Variants in RAD51B observed in about 807,000 individuals in gnomAD.
The protein encoded by RAD51B is RAD51 paralog B.
A neutral mutation model predicts 42.2 loss-of-function variants in RAD51B; 38 were observed. The observed-to-expected ratio is 0.90, with a 90% CI of 0.70 to 1.18. The LOEUF is 1.18. RAD51B is among the 50% of genes most tolerant of loss of function. RAD51B has a pLI of 0.00. For missense variants in RAD51B, 373 were observed against 400.7 expected (o/e 0.93, Z 0.59); for synonymous variants, 154 against 145.2 (o/e 1.06, Z -0.43).
chr14:67,948,867 G>C (rs2140200554), intron 7 of RAD51B, among the ~76,000 whole-genome samples: 1 of 138,772 alleles, frequency 7.2e-6, no homozygotes, highest in South Asian at 2.3e-4. Context: ...GGGAGGCGGA[G>C]CTTGCAGTGA....
chr14:68,347,560 T>C (rs1273671566), intron 8 of RAD51B, among the ~76,000 whole-genome samples: 1 of 152,198 alleles, frequency 6.6e-6, no homozygotes, highest in Non-Finnish European at 1.5e-5. Flanking sequence ...GGCGTGTGCC[T>C]CCCAAATTGG....
chr14:68,152,706 T>G (rs980524634), intron 7 of RAD51B, among the ~76,000 whole-genome samples: 36 of 142,652 alleles, frequency 2.5e-4, no homozygotes, highest in African/African-American at 9.6e-4. Flanking sequence ...ACCTAGGTAC[T>G]AAGCTTAGTA....
At chr14:68,167,716 G>A (rs1265763084) in intron 7 of RAD51B, among the ~76,000 whole-genome samples, 1 of 152,064 alleles carries the variant, frequency 6.6e-6, no homozygotes, top group East Asian at 1.9e-4. Flanking sequence ...GAATACTCCT[G>A]TAACCACTAT....
intron 7 of RAD51B, among the ~76,000 whole-genome samples, chr14:68,202,133 T>C (rs776513748): frequency 6.6e-6 from 1 of 152,222 alleles, no homozygotes; most frequent in Non-Finnish European, 1.5e-5. Flanking sequence ...CCAATGTATA[T>C]ACTTTAATTA....
intron 7 of RAD51B, among the ~76,000 whole-genome samples, chr14:68,035,791 T>C (rs2076112026): frequency 6.6e-6 from 1 of 152,232 alleles, no homozygotes; most frequent in South Asian, 2.1e-4. Context: ...CCTCATTTTT[T>C]TAAATGTCAG....
At chr14:68,479,688 T>TTTTTTTTTTTTTTTTTTG (rs34627518), downstream of RAD51B, among the ~76,000 whole-genome samples, 2 of 137,016 alleles carry the variant, frequency 1.5e-5, no homozygotes, top group African/African-American at 5.7e-5. Context: ...TTTTTTTTTT[T>TTTTTTTTTTTTTTTTTTG]GCCAGAGTCT....
intron 10 of RAD51B, chr14:68,497,063 T>C: frequency 7.6e-7 from 1 of 1,310,640 alleles, no homozygotes; most frequent in Non-Finnish European, 1.0e-6. Context: ...GTAGGCTTTA[T>C]GCAAGCCTTC....
At chr14:68,238,879 G>C (rs1031110442) in intron 7 of RAD51B, among the ~76,000 whole-genome samples, 1 of 152,118 alleles carries the variant, frequency 6.6e-6, no homozygotes, top group Non-Finnish European at 1.5e-5. Flanking sequence ...GCTCTTCTTA[G>C]CCTGTTTCTG....
intron 10 of RAD51B, among the ~76,000 whole-genome samples, chr14:68,486,721 G>T (rs1023126232): frequency 2.0e-5 from 3 of 152,208 alleles, no homozygotes; most frequent in Admixed American, 6.5e-5. Flanking sequence ...CAACCAACTA[G>T]TTGGATGAAC....
At chr14:68,384,785 A>T (rs1057011832) in intron 8 of RAD51B, among the ~76,000 whole-genome samples, 2 of 152,246 alleles carry the variant, frequency 1.3e-5, no homozygotes, top group Non-Finnish European at 2.9e-5. Flanking sequence ...TAAATGTAAA[A>T]TAACAAGAAT....
At chr14:68,544,706 T>A (rs1199137771) in intron 10 of RAD51B, among the ~76,000 whole-genome samples, 1 of 152,202 alleles carries the variant, frequency 6.6e-6, no homozygotes, top group Non-Finnish European at 1.5e-5. Context: ...AACAATGATC[T>A]AGGTAAGCCA....
intron 7 of RAD51B, among the ~76,000 whole-genome samples, chr14:68,095,971 C>CAAAAAAAAAAA (rs56862052): frequency 1.6e-5 from 1 of 62,620 alleles, no homozygotes; most frequent in African/African-American, 5.1e-5. Flanking sequence ...GACTCCGTCT[C>CAAAAAAAAAAA]AAAAAAAAAA....
Position 67,886,059 on chromosome 14 carries a change from T to C in RAD51B, c.572+71T>C. 3.1e-6 allele frequency: 4 copies of C among 1,287,198 alleles called. 1 individual carries two copies. The highest frequency in any genetic ancestry group is 3.8e-5 in the South Asian group (2 of 53,136). The allele number at this position is 1,287,198 out of a possible 1,614,324, so 79.7% of individuals were successfully genotyped here. ...TATGTTTTATCTTTTATGTTTCAGCTTCTAAGTGAAAAAAGTCTTTATAGG... is the reference window on the plus strand; with the variant it reads ...TATGTTTTATCTTTTATGTTTCAGCCTCTAAGTGAAAAAAGTCTTTATAGG... On this transcript the variant is annotated intron_variant, in intron 6 of 10. Transcript: ENST00000471583.
intron 7 of RAD51B, among the ~76,000 whole-genome samples, chr14:67,945,974 A>G (rs370186424): frequency 6.6e-6 from 1 of 152,194 alleles, no homozygotes. Context: ...GGGGTGTTCA[A>G]AAGTCACTCC....
At chr14:68,059,473 A>T (rs780240848) in intron 7 of RAD51B, among the ~76,000 whole-genome samples, 3 of 152,094 alleles carry the variant, frequency 2.0e-5, no homozygotes, top group African/African-American at 7.2e-5. Context: ...CATAGCTGCA[A>T]TTATTCTGGA....
chr14:68,215,100 T>TATTCTCTCCTGAGTCTCATCCTG (rs1198809488), intron 7 of RAD51B, among the ~76,000 whole-genome samples: 1 of 152,214 alleles, frequency 6.6e-6, no homozygotes, highest in Non-Finnish European at 1.5e-5. Context: ...ATGACAAAGA[T>TATTCTCTCCTGAGTCTCATCCTG]AGTATGTTCA....
At chr14:68,521,149 G>C (rs1886549877) in intron 10 of RAD51B, among the ~76,000 whole-genome samples, 1 of 152,202 alleles carries the variant, frequency 6.6e-6, no homozygotes, top group Non-Finnish European at 1.5e-5. Context: ...GCAACAGCTG[G>C]GGCCTGCTCT....
chr14:68,174,527 A>G (rs2078929252), intron 7 of RAD51B, among the ~76,000 whole-genome samples: 1 of 152,202 alleles, frequency 6.6e-6, no homozygotes, highest in African/African-American at 2.4e-5. Flanking sequence ...GAGCCTTTCA[A>G]TGATTGCTGT....
At chr14:68,259,216 AG>A (rs1566765452) in intron 7 of RAD51B, among the ~76,000 whole-genome samples, 1 of 147,534 alleles carries the variant, frequency 6.8e-6, no homozygotes, top group East Asian at 2.1e-4. Context: ...AAAGCAAGGG[AG>A]GATGATTTAA....
Sources: gnomAD v4.1 joint callset for allele counts (sites outside exome capture counted in the v4.1 genomes callset) on GRCh38, gnomAD v4.1.1 for gene constraint, MANE v1.5 for transcripts, NCBI Gene and HGNC (gene_info 2026-07-23, HGNC 2026-07-21) for gene names.